The following KIRREL3 variants were observed in gnomAD, a reference collection of about 807,000 sequenced individuals.
The protein encoded by KIRREL3 is kirre like nephrin family adhesion molecule 3.
In KIRREL3, 36 loss-of-function variants were observed where a neutral mutation model predicts 89.7. That is an observed-to-expected ratio of 0.40 (90% CI 0.31 to 0.53). KIRREL3 has a LOEUF of 0.53. Among genes scored for constraint, KIRREL3 ranks in the 20% least tolerant of loss-of-function variants. The pLI is 0.49. For synonymous variants in KIRREL3, 445 were observed against 441.4 expected (o/e 1.01, Z -0.10); for missense variants, 864 against 1,056.6 (o/e 0.82, Z 2.53).
In KIRREL3 at chr11:126,489,207, T is replaced by C. The variant is rs1957445697; in HGVS notation, c.434-15741A>G. ...CGTTTGCGGTGGAGAGCCGGCTGCA[T>C]GGGAATCACTGCTGGCTGGACCCGG... On this transcript the variant is annotated intron_variant, in intron 4 of 16. Coordinates refer to ENST00000525144, the MANE Select transcript of KIRREL3 (RefSeq NM_032531.4). The surrounding 1 kb of genome is among the most constrained non-coding windows in gnomAD (Gnocchi z 5.5). Among the ~76,000 whole-genome samples the C allele has an allele frequency of 1.3e-5, 2 of 151,948 alleles. No homozygotes were observed. Among genetic ancestry groups the C allele is most frequent in the Admixed American group, 1.3e-4 (2 of 15,252 alleles).
intron 2 of KIRREL3, among the ~76,000 whole-genome samples, chr11:126,560,083 G>A (rs1420746642): frequency 6.6e-6 from 1 of 152,140 alleles, no homozygotes; most frequent in Non-Finnish European, 1.5e-5. Flanking sequence ...ATGAATAACT[G>A]AATGATCACT....
At position 126,610,567 on chromosome 11, in the gene KIRREL3, G is replaced by A. The variant is rs1409842013; in HGVS notation, c.56-47655C>T. 1 of 152,240 alleles carries A rather than the reference G, an allele frequency of 6.6e-6. No homozygotes were observed. The highest frequency in any genetic ancestry group is 1.5e-5 in the Non-Finnish European group (1 of 68,064). The allele number at this position is 152,240 out of a possible 1,614,324, so 9.4% of individuals were successfully genotyped here. ...TTTGCATTGGAGGTCTGTGGGCGTA[G>A]AGCACTCAACAAATGCCAGGCACTG... On this transcript the variant is annotated intron_variant, in intron 1 of 16. Transcript: ENST00000525144. The surrounding 1 kb of genome is among the most constrained non-coding windows in gnomAD (Gnocchi z 4.6).
At chr11:126,925,097 C>G (rs1378673716) in intron 1 of KIRREL3, among the ~76,000 whole-genome samples, 1 of 94,058 alleles carries the variant, frequency 1.1e-5, no homozygotes, top group Admixed American at 1.3e-4. Context: ...ATAAAAAGGT[C>G]GGGGGGGGGG....
intron 1 of KIRREL3, among the ~76,000 whole-genome samples, chr11:126,793,550 C>T (rs572427507): frequency 2.0e-5 from 3 of 152,256 alleles, no homozygotes; most frequent in Non-Finnish European, 2.9e-5. Flanking sequence ...TGCATGGCCA[C>T]GGCAGATGCT....
rs1209491638 is a variant in KIRREL3 at position 126,694,439 on chromosome 11, T to C, written c.56-131527A>G. Among the ~76,000 whole-genome samples, 1 of 152,090 alleles carries C rather than the reference T, an allele frequency of 6.6e-6. No individual in the cohort carries two copies. Among genetic ancestry groups the C allele is most frequent in the Non-Finnish European group, 1.5e-5 (1 of 68,016 alleles). ...TGTGTCAGCATCACGCTCCGTGACA[T>C]TTAAAAGTGGGGAAGGAAAATACTG... On this transcript the variant is annotated intron_variant, in intron 1 of 16. Coordinates refer to ENST00000525144, the MANE Select transcript of KIRREL3 (RefSeq NM_032531.4). This position sits in a 1 kb window ranked among gnomAD's most constrained non-coding sequence, Gnocchi z 4.4.
intron 1 of KIRREL3, among the ~76,000 whole-genome samples, chr11:126,945,534 T>C (rs1334632927): frequency 6.6e-6 from 1 of 152,112 alleles, no homozygotes. Flanking sequence ...TTAGATCTGT[T>C]CCCCCAGGCT....
At position 126,669,975 on chromosome 11, in the gene KIRREL3, A is replaced by G. The variant is rs546272967; in HGVS notation, c.56-107063T>C. ...GCAGCACCATCCACCCCGTTGCTCA[A>G]GCTCATGCCTCAGTCTCCCCTGACT... On this transcript the variant is annotated intron_variant, in intron 1 of 16. Coordinates refer to ENST00000525144, the MANE Select transcript of KIRREL3 (RefSeq NM_032531.4). The surrounding 1 kb of genome is among the most constrained non-coding windows in gnomAD (Gnocchi z 5.0). Among the ~76,000 whole-genome samples, 16 of 152,254 alleles carry G rather than the reference A, an allele frequency of 1.1e-4. No individual in the cohort carries two copies. Among genetic ancestry groups the G allele is most frequent in the African/African-American group, 3.9e-4 (16 of 41,550 alleles).
At chr11:126,743,499 T>A (rs756541440) in intron 1 of KIRREL3, among the ~76,000 whole-genome samples, 18 of 152,366 alleles carry the variant, frequency 1.2e-4, no homozygotes, top group South Asian at 1.0e-3. Flanking sequence ...GTACTGGGAA[T>A]ATAATTGTGA....
intron 10 of KIRREL3, among the ~76,000 whole-genome samples, 171 bp downstream of exon 10, chr11:126,444,808 T>C (rs1050764729): frequency 1.3e-5 from 2 of 152,198 alleles, no homozygotes; most frequent in Non-Finnish European, 2.9e-5. Context: ...TCCCTCAGCC[T>C]GGGTCTGACG....
intron 1 of KIRREL3, among the ~76,000 whole-genome samples, chr11:126,815,021 A>G (rs1159551573): frequency 1.3e-5 from 2 of 152,206 alleles, no homozygotes; most frequent in African/African-American, 4.8e-5. Context: ...TAGAGGATTC[A>G]TCATTGACAT....
At chr11:126,548,611 A>G (rs1016761656) in intron 2 of KIRREL3, among the ~76,000 whole-genome samples, 1 of 152,070 alleles carries the variant, frequency 6.6e-6, no homozygotes, top group African/African-American at 2.4e-5. Flanking sequence ...GTCAATTTCC[A>G]ACCCTCCCGC....
At position 126,655,530 on chromosome 11, in the gene KIRREL3, G is replaced by C. The variant is rs1945095632; in HGVS notation, c.56-92618C>G. Among the ~76,000 whole-genome samples, 1 of 152,144 alleles carries C rather than the reference G, an allele frequency of 6.6e-6. No homozygotes were observed. The highest frequency in any genetic ancestry group is 2.4e-5 in the African/African-American group (1 of 41,426). On this transcript the variant is annotated intron_variant, in intron 1 of 16. Coordinates refer to ENST00000525144, the MANE Select transcript of KIRREL3 (RefSeq NM_032531.4). This position sits in a 1 kb window ranked among gnomAD's most constrained non-coding sequence, Gnocchi z 5.0. Reference sequence around the variant, plus strand: ...TCGAAAGCTCTCCCTCCCACCTCAAGTTGTTTCTCTTCCTGCCCAGGGAAG... The same window carrying C: ...TCGAAAGCTCTCCCTCCCACCTCAACTTGTTTCTCTTCCTGCCCAGGGAAG...
Position 126,843,735 on chromosome 11 carries a change from G to A in KIRREL3, c.55+156720C>T, listed in dbSNP as rs920125007. Among the ~76,000 whole-genome samples the A allele has an allele frequency of 2.0e-5, 3 of 152,152 alleles. No homozygotes were observed. Among genetic ancestry groups the A allele is most frequent in the Admixed American group, 2.0e-4 (3 of 15,280 alleles). ...ACAAGATACAGGTCATGGAGACTTT[G>A]CTGATAAAACAGCTTACAGTAAAAA... On this transcript the variant is annotated intron_variant, in intron 1 of 16. Coordinates refer to ENST00000525144, the MANE Select transcript of KIRREL3 (RefSeq NM_032531.4). This position sits in a 1 kb window ranked among gnomAD's most constrained non-coding sequence, Gnocchi z 4.6.
intron 1 of KIRREL3, among the ~76,000 whole-genome samples, chr11:126,680,852 A>G (rs1419119537): frequency 6.6e-6 from 1 of 152,212 alleles, no homozygotes; most frequent in Non-Finnish European, 1.5e-5. Flanking sequence ...ATCAATGTCA[A>G]TTTCATTAAA....
intron 5 of KIRREL3, among the ~76,000 whole-genome samples, chr11:126,472,978 CTCCTCTCTACCTAA>C (rs1956945258): frequency 9.4e-6 from 1 of 106,070 alleles, no homozygotes; most frequent in African/African-American, 4.1e-5. Flanking sequence ...CCCCACCATC[CTCCTCTCTACCTAA>C]CCCCCAGCCC....
chr11:126,521,203 G>A lies in KIRREL3; in HGVS notation c.433+112C>T. Reference sequence around the variant, plus strand: ...AAGCAGCAGTGTCTGGAGCCCTGTGGGATGATCCCCAGAGGGGAGTCTCCC... The same window carrying A: ...AAGCAGCAGTGTCTGGAGCCCTGTGAGATGATCCCCAGAGGGGAGTCTCCC... On this transcript the variant is annotated intron_variant, in intron 4 of 16. Coordinates refer to ENST00000525144, the MANE Select transcript of KIRREL3 (RefSeq NM_032531.4). This position sits in a 1 kb window ranked among gnomAD's most constrained non-coding sequence, Gnocchi z 4.1. 8.5e-7 allele frequency: 1 copy of A among 1,174,396 alleles called. No homozygotes were observed. The highest frequency in any genetic ancestry group is 1.1e-6 in the Non-Finnish European group (1 of 877,342). The allele number at this position is 1,174,396 out of a possible 1,614,324, so 72.7% of individuals were successfully genotyped here.
intron 1 of KIRREL3, chr11:126,944,986 C>CT (rs1298274092): frequency 6.6e-6 from 1 of 152,204 alleles, no homozygotes; most frequent in Non-Finnish European, 1.5e-5. Flanking sequence ...GGATGAATAG[C>CT]TTCAGCCTTT....
Position 126,768,327 on chromosome 11 carries a change from A to G in KIRREL3, c.56-205415T>C, listed in dbSNP as rs61897929. Among the ~76,000 whole-genome samples, 469 of 151,832 alleles carry G rather than the reference A, an allele frequency of 3.1e-3. 1 individual carries two copies. The highest frequency in any genetic ancestry group is 5.0e-3 in the Admixed American group (76 of 15,262). On this transcript the variant is annotated intron_variant, in intron 1 of 16. Transcript: ENST00000525144. This position sits in a 1 kb window ranked among gnomAD's most constrained non-coding sequence, Gnocchi z 4.5. ...CCAATCTGTCCATCTGTCCATCCAT[A>G]CTGCATCCATCCATCCACTTATCCC...
chr11:126,971,104 T>G (rs1809456231), intron 1 of KIRREL3, among the ~76,000 whole-genome samples: 1 of 152,218 alleles, frequency 6.6e-6, no homozygotes, highest in Admixed American at 6.5e-5. Flanking sequence ...AGAAGCAGAT[T>G]CTTATTTAGG....
Sources: gnomAD v4.1 joint callset for allele counts (sites outside exome capture counted in the v4.1 genomes callset) on GRCh38, gnomAD v4.1.1 for gene constraint, Gnocchi (gnomAD v3.1) non-coding constraint, MANE v1.5 for transcripts, NCBI Gene and HGNC (gene_info 2026-07-23, HGNC 2026-07-21) for gene names.